HNRNPA1: variants seen among roughly 807,000 people sequenced by gnomAD.
HNRNPA1 encodes the protein epididymis secretory sperm binding protein.
In HNRNPA1, 7 loss-of-function variants were observed where a neutral mutation model predicts 44.4. That is an observed-to-expected ratio of 0.16 (90% CI 0.09 to 0.30). The LOEUF (loss-of-function observed/expected upper bound fraction) is 0.30, where lower values mean the gene tolerates loss of function less well. Ranked by LOEUF, HNRNPA1 falls within the 10% of genes least tolerant of loss-of-function variation. The probability of loss-of-function intolerance (pLI) is 1.00; values close to 1 mark genes in which losing one functional copy is unlikely to be tolerated. For synonymous variants in HNRNPA1, 169 were observed against 160.6 expected, an observed-to-expected ratio of 1.05 and a Z score of -0.40; for missense variants, 193 against 465.8, an observed-to-expected ratio of 0.41 and a Z score of 5.39.
intron 1 of HNRNPA1, 80 bp from the exon 2 acceptor site, chr12:54,281,305 TG>T (rs763422741): frequency 1.3e-4 from 102 of 784,278 alleles, no homozygotes; most frequent in East Asian, 1.2e-3. Flanking sequence ...GGTACACAGT[TG>T]GTGTCTAGTT....
rs764359776 is a variant in HNRNPA1 at position 54,282,704 on chromosome 12, C to G, written c.676+39C>G. On this transcript the variant is annotated intron_variant, in intron 6 of 10. Transcript: ENST00000340913. Reference sequence around the variant, plus strand: ...ATCTACATGTAGTTCTGACTTCTCACCATCTTTGCTATGAAGATTTTACAG... The same window carrying G: ...ATCTACATGTAGTTCTGACTTCTCAGCATCTTTGCTATGAAGATTTTACAG... 6 of 1,593,916 alleles carry G rather than the reference C, an allele frequency of 3.8e-6. No homozygotes were observed. In the South Asian group the frequency reaches 5.5e-5, roughly 15 times the overall value.
At chr12:54,283,677 C>A in intron 8 of HNRNPA1, 135 bp from the exon 9 acceptor site, 1 of 846,378 alleles carries the variant, frequency 1.2e-6, no homozygotes, top group South Asian at 1.6e-5. Context: ...GAATGAAATG[C>A]AAAGATTGGA....
intron 8 of HNRNPA1, 121 bp from the exon 9 acceptor site, chr12:54,283,691 A>G (rs1273030539): frequency 2.1e-6 from 2 of 936,890 alleles, no homozygotes; most frequent in African/African-American, 3.3e-5. Context: ...GATTGGAGTC[A>G]CCATAGTTTG....
intron 1 of HNRNPA1, 80 bp downstream of exon 1, chr12:54,280,902 T>C: frequency 6.8e-7 from 1 of 1,477,316 alleles, no homozygotes; most frequent in Non-Finnish European, 9.5e-7. Flanking sequence ...GTTTCGTTCC[T>C]TGCACCAGCC....
Position 54,282,070 on chromosome 12 carries a change from T to G in HNRNPA1, c.280-20T>G. Reference sequence around the variant, plus strand: ...AGTATAGGCTTTGCTAATCTAAACCTATGGTTTTTCTCCTATTAGGATTCT... The same window carrying G: ...AGTATAGGCTTTGCTAATCTAAACCGATGGTTTTTCTCCTATTAGGATTCT... On this transcript the variant is annotated intron_variant, in intron 3 of 10. Transcript: ENST00000340913. 1.2e-6 allele frequency: 2 copies of G among 1,609,358 alleles called. No individual in the cohort carries two copies. Among genetic ancestry groups the G allele is most frequent in the Non-Finnish European group, 1.7e-6 (2 of 1,176,404 alleles).
intron 2 of HNRNPA1, 26 bp downstream of exon 2, chr12:54,281,528 TA>T (rs777323931): frequency 1.3e-6 from 2 of 1,487,856 alleles, no homozygotes; most frequent in South Asian, 2.3e-5. Flanking sequence ...GACAAAGCAG[TA>T]AAACAGCCGA....
At chr12:54,283,374 T>C in intron 8 of HNRNPA1, 140 bp downstream of exon 8, 1 of 943,688 alleles carries the variant, frequency 1.1e-6, no homozygotes, top group Non-Finnish European at 1.6e-6. Context: ...TACCTCCTCC[T>C]AGCTTTAAGC....
chr12:54,283,415 T>A (rs1232385978), intron 8 of HNRNPA1, among the ~76,000 whole-genome samples, 181 bp downstream of exon 8: 1 of 152,182 alleles, frequency 6.6e-6, no homozygotes, highest in African/African-American at 2.4e-5. Flanking sequence ...ATAGTAGAGA[T>A]AAGTGGATAG....
rs1944223235 is a variant in HNRNPA1 at position 54,283,982 on chromosome 12, T to C, written c.1063+15T>C. On this transcript the variant is annotated intron_variant, in intron 9 of 10. Coordinates refer to ENST00000340913, the MANE Select transcript of HNRNPA1 (RefSeq NM_031157.4). ...ACGAAACCAAGGTATGGTATCTATG[T>C]AATTTTGGATAATGTCAAAAGAGTG... 6.2e-7 allele frequency: 1 copy of C among 1,603,368 alleles called. No individual in the cohort carries two copies. The highest frequency in any genetic ancestry group is 8.5e-7 in the Non-Finnish European group (1 of 1,179,694).
chr12:54,284,791 T>C lies in HNRNPA1; in HGVS notation c.*247T>C. On this transcript the variant is annotated 3_prime_UTR_variant, in exon 11 of 11. Transcript: ENST00000340913. ...AGTGTAAAGCATTCCAACAAAGGGT[T>C]TTAATGTAGATTTTTTTTTTTGCAC... The C allele has an allele frequency of 8.5e-6, 3 of 353,546 alleles. No individual in the cohort carries two copies. The highest frequency in any genetic ancestry group is 1.1e-5 in the Non-Finnish European group (2 of 180,320). The allele number at this position is 353,546 out of a possible 1,614,324, so 21.9% of individuals were successfully genotyped here.
intron 1 of HNRNPA1, 34 bp from the exon 2 acceptor site, chr12:54,281,352 G>T (rs778592922): frequency 1.8e-6 from 2 of 1,120,176 alleles, no homozygotes; most frequent in Admixed American, 3.9e-5. Context: ...TCGTGTTGTA[G>T]CCCATTTAAC....
rs557814450 is a variant in HNRNPA1 at position 54,280,759 on chromosome 12, T to G, written c.-49T>G. 1 of 1,613,110 alleles carries G rather than the reference T, an allele frequency of 6.2e-7. No homozygotes were observed. The highest frequency in any genetic ancestry group is 1.3e-5 in the African/African-American group (1 of 74,910). ...TCGTCAGCTTGCTCCTTTCTGCCCG[T>G]GGACGCCGCCGAAGAAGCATCGTTA... On this transcript the variant is annotated 5_prime_UTR_variant, in exon 1 of 11. Transcript: ENST00000340913.
chr12:54,284,161 A>G, intron 9 of HNRNPA1, 97 bp from the exon 10 acceptor site: 1 of 1,386,048 alleles, frequency 7.2e-7, no homozygotes. Context: ...GGCCATTTTT[A>G]AATGGCCAGA....
rs1483928902 is a variant in HNRNPA1, at chr12:54,284,325, AGC to A, written c.*4+9_*4+10del. 2.5e-6 allele frequency: 4 copies of A among 1,612,996 alleles called. No homozygotes were observed. The highest frequency in any genetic ancestry group is 3.4e-6 in the Non-Finnish European group (4 of 1,179,182). ...GCAGAAGATTTTAATTAGGTAAGTA[AGC>A]ACCTTTTTGTGTGTTGACATAATTT... On this transcript the variant is annotated intron_variant, in intron 10 of 10. Transcript: ENST00000340913.
At chr12:54,282,049 T>G in intron 3 of HNRNPA1, 41 bp from the exon 4 acceptor site, 1 of 1,603,346 alleles carries the variant, frequency 6.2e-7, no homozygotes, top group Non-Finnish European at 8.5e-7. Flanking sequence ...TATTCGAGTA[T>G]AGGCTTTGCT....
Position 54,280,745 on chromosome 12 carries a change from C to T in HNRNPA1, c.-63C>T, listed in dbSNP as rs552019957. 19 of 1,602,188 alleles carry T rather than the reference C, an allele frequency of 1.2e-5. No homozygotes were observed. The highest frequency in any genetic ancestry group is 8.3e-5 in the Admixed American group (5 of 60,022). Reference sequence around the variant, plus strand: ...GCTGGCAGATACGTTCGTCAGCTTGCTCCTTTCTGCCCGTGGACGCCGCCG... The same window carrying T: ...GCTGGCAGATACGTTCGTCAGCTTGTTCCTTTCTGCCCGTGGACGCCGCCG... On this transcript the variant is annotated 5_prime_UTR_variant, in exon 1 of 11. Coordinates refer to ENST00000340913, the MANE Select transcript of HNRNPA1 (RefSeq NM_031157.4).
At chr12:54,281,571 C>A in intron 2 of HNRNPA1, 69 bp downstream of exon 2, 1 of 1,150,994 alleles carries the variant, frequency 8.7e-7, no homozygotes, top group Non-Finnish European at 1.3e-6. Flanking sequence ...CAGTCTTCTC[C>A]GAATGCTTAT....
chr12:54,282,036 T>C, intron 3 of HNRNPA1, 54 bp from the exon 4 acceptor site: 1 of 1,599,088 alleles, frequency 6.3e-7, no homozygotes, highest in East Asian at 2.2e-5. Flanking sequence ...TACCAAAATT[T>C]TTTATTCGAG....
chr12:54,281,654 C>A, intron 2 of HNRNPA1, 141 bp from the exon 3 acceptor site: 1 of 1,041,880 alleles, frequency 9.6e-7, no homozygotes, highest in Non-Finnish European at 1.4e-6. Flanking sequence ...TAAAAGCTAC[C>A]TCTTAAATCT....
Sources: allele counts gnomAD v4.1 joint callset (sites outside exome capture counted in the v4.1 genomes callset), GRCh38; gene constraint gnomAD v4.1.1; transcripts MANE v1.5; gene names NCBI Gene and HGNC (gene_info 2026-07-23, HGNC 2026-07-21).